DPYD: variants seen among roughly 807,000 people sequenced by gnomAD.
DPYD encodes the protein dihydropyrimidine dehydrogenase [NADP(+)].
A neutral mutation model predicts 116.2 loss-of-function variants in DPYD; 109 were observed. The observed-to-expected ratio is 0.94, with a 90% CI of 0.80 to 1.10. The LOEUF (loss-of-function observed/expected upper bound fraction) is 1.10. Among genes scored for constraint, DPYD ranks in the 50% least tolerant of loss-of-function variants. The pLI is 0.00. For synonymous variants in DPYD, 440 were observed against 432.0 expected (o/e 1.02, Z -0.23); for missense variants, 1,302 against 1,254.5 (o/e 1.04, Z -0.57).
intron 14 of DPYD, among the ~76,000 whole-genome samples, chr1:97,430,268 C>T (rs927425345): frequency 2.0e-5 from 3 of 151,896 alleles, no homozygotes; most frequent in African/African-American, 7.3e-5. Flanking sequence ...GAAGTCGTAC[C>T]CTTGGAGAAT....
chr1:97,677,952 T>G (rs531315534), intron 8 of DPYD, among the ~76,000 whole-genome samples: 1 of 152,158 alleles, frequency 6.6e-6, no homozygotes, highest in Admixed American at 6.5e-5. Flanking sequence ...ATATTCTGAG[T>G]GTGAACTGCC....
intron 10 of DPYD, among the ~76,000 whole-genome samples, chr1:97,577,137 C>T (rs1439363918): frequency 6.6e-6 from 1 of 152,178 alleles, no homozygotes; most frequent in Non-Finnish European, 1.5e-5. Flanking sequence ...GCTGCCTTGG[C>T]ATCTATTTTA....
chr1:97,838,737 T>G lies in DPYD; in HGVS notation c.151-10541A>C, dbSNP rs561415483. On this transcript the variant is annotated intron_variant, in intron 2 of 22. Transcript: ENST00000370192. ...GCGGGCGCCTGTAGTCCCAGGTACT[T>G]GGGAGGCTGAGGCAGGAGAATGGCG... Among the ~76,000 whole-genome samples the G allele has an allele frequency of 4.3e-4, 65 of 151,856 alleles. No individual in the cohort carries two copies. The South Asian group carries it at 0.012, about 29-fold the overall frequency.
At chr1:97,687,965 G>C (rs1660820643) in intron 7 of DPYD, among the ~76,000 whole-genome samples, 1 of 152,084 alleles carries the variant, frequency 6.6e-6, no homozygotes, top group Admixed American at 6.6e-5. Context: ...ACACACACTG[G>C]GGCCAGTTGA....
At chr1:97,352,096 G>GT (rs1670174865) in intron 16 of DPYD, among the ~76,000 whole-genome samples, 1 of 152,236 alleles carries the variant, frequency 6.6e-6, no homozygotes, top group East Asian at 1.9e-4. Context: ...AAATGATGCA[G>GT]TGAGATTTTC....
At chr1:97,457,451 G>A (rs1421291394) in intron 13 of DPYD, among the ~76,000 whole-genome samples, 1 of 152,024 alleles carries the variant, frequency 6.6e-6, no homozygotes, top group African/African-American at 2.4e-5. Context: ...CTTTTTCAAA[G>A]AGCTTATGAT....
intron 20 of DPYD, among the ~76,000 whole-genome samples, chr1:97,177,708 CT>C (rs1657389663): frequency 6.6e-6 from 1 of 152,026 alleles, no homozygotes; most frequent in Non-Finnish European, 1.5e-5. Context: ...GCACACTCTT[CT>C]TGGTTCCACA....
At chr1:97,874,889 C>T (rs1671830036) in intron 2 of DPYD, among the ~76,000 whole-genome samples, 1 of 151,876 alleles carries the variant, frequency 6.6e-6, no homozygotes, top group Admixed American at 6.6e-5. Context: ...CTAACAACAA[C>T]AAAAAACTGC....
At chr1:97,148,517 C>A (rs1230955486) in intron 20 of DPYD, among the ~76,000 whole-genome samples, 2 of 152,044 alleles carry the variant, frequency 1.3e-5, no homozygotes, top group African/African-American at 4.8e-5. Context: ...AATTATAGAT[C>A]TATTTCATTC....
intron 7 of DPYD, among the ~76,000 whole-genome samples, chr1:97,687,977 T>C (rs1223236189): frequency 6.6e-6 from 1 of 151,798 alleles, no homozygotes; most frequent in African/African-American, 2.4e-5. Flanking sequence ...GCCAGTTGAG[T>C]GGGGCAGGGA....
At chr1:97,082,180 G>A (rs1193526207) in intron 22 of DPYD, 150 bp downstream of exon 22, 14 of 921,438 alleles carry the variant, frequency 1.5e-5, no homozygotes, top group Non-Finnish European at 2.3e-5. Context: ...CATATTATAA[G>A]GGTGACAGGA....
At chr1:97,601,830 GA>G (rs1041369424) in intron 8 of DPYD, among the ~76,000 whole-genome samples, 97 of 151,878 alleles carry the variant, frequency 6.4e-4, no homozygotes, top group Middle Eastern at 3.4e-3. Flanking sequence ...ACAGAATGCA[GA>G]AAAAAATGGA....
chr1:97,920,951 G>A lies in DPYD; in HGVS notation c.-29C>T, dbSNP rs1229058147. The A allele has an allele frequency of 1.9e-6, 3 of 1,573,322 alleles. No individual in the cohort carries two copies. The South Asian group carries it at 3.5e-5, about 18-fold the overall frequency. On this transcript the variant is annotated 5_prime_UTR_variant, in exon 1 of 23. Transcript: ENST00000370192. Reference sequence around the variant, plus strand: ...AGTGCCTACAGTCTCGAGTCTGCCAGTGACAAACCCTCCTTGCGTCCTCAA... The same window carrying A: ...AGTGCCTACAGTCTCGAGTCTGCCAATGACAAACCCTCCTTGCGTCCTCAA...
At chr1:97,166,778 C>T (rs1656357701) in intron 20 of DPYD, among the ~76,000 whole-genome samples, 1 of 152,022 alleles carries the variant, frequency 6.6e-6, no homozygotes, top group African/African-American at 2.4e-5. Flanking sequence ...TTTTATGTGC[C>T]AGAAATTATA....
At chr1:97,317,245 A>G (rs571449795) in intron 16 of DPYD, among the ~76,000 whole-genome samples, 2 of 152,132 alleles carry the variant, frequency 1.3e-5, no homozygotes, top group African/African-American at 4.8e-5. Flanking sequence ...TATGCAGCAT[A>G]ATTTGGAAGA....
At chr1:97,864,259 A>C (rs1671261816) in intron 2 of DPYD, among the ~76,000 whole-genome samples, 1 of 151,990 alleles carries the variant, frequency 6.6e-6, no homozygotes, top group Admixed American at 6.6e-5. Flanking sequence ...AAAAAGGACA[A>C]AGAAAAGCAG....
chr1:97,363,896 C>A (rs1670882869), intron 16 of DPYD, among the ~76,000 whole-genome samples: 1 of 152,174 alleles, frequency 6.6e-6, no homozygotes, highest in South Asian at 2.1e-4. Flanking sequence ...CACATGTATA[C>A]CTACGTAACA....
chr1:97,283,405 T>C (rs569150862), intron 18 of DPYD, among the ~76,000 whole-genome samples: 13 of 152,238 alleles, frequency 8.5e-5, no homozygotes, highest in Admixed American at 3.3e-4. Context: ...TAATCTGTTA[T>C]GTATGTCCTT....
intron 20 of DPYD, among the ~76,000 whole-genome samples, chr1:97,106,325 A>T (rs1178516944): frequency 6.6e-6 from 1 of 152,130 alleles, no homozygotes; most frequent in Non-Finnish European, 1.5e-5. Flanking sequence ...AGCTGGTAAA[A>T]CATTATTTGT....
Sources: allele counts gnomAD v4.1 joint callset (sites outside exome capture counted in the v4.1 genomes callset), GRCh38; gene constraint gnomAD v4.1.1; transcripts MANE v1.5; gene names NCBI Gene and HGNC (gene_info 2026-07-23, HGNC 2026-07-21).